The following LRRC75A variants were observed in gnomAD, a reference collection of about 807,000 sequenced individuals.
LRRC75A encodes the protein leucine-rich repeat-containing protein 75A.
LRRC75A carries 12 observed loss-of-function variants against 26.0 expected under a neutral mutation model. The observed-to-expected ratio is 0.46, with a 90% CI of 0.30 to 0.75. LRRC75A has a LOEUF of 0.75. LRRC75A is among the 30% of genes least tolerant of loss of function. The probability of loss-of-function intolerance (pLI) is 0.08; values close to 1 mark genes in which losing one functional copy is unlikely to be tolerated. For missense variants in LRRC75A, 410 were observed against 486.6 expected (o/e 0.84, Z 1.48); for synonymous variants, 223 against 219.3 (o/e 1.02, Z -0.15).
intron 3 of LRRC75A, among the ~76,000 whole-genome samples, chr17:16,445,854 C>G (rs1278099630): frequency 6.6e-6 from 1 of 152,202 alleles, no homozygotes; most frequent in Non-Finnish European, 1.5e-5. Flanking sequence ...CACCACTTAC[C>G]AGTTGGGTGA....
At position 16,491,882 on chromosome 17, in the gene LRRC75A, C is replaced by A; in HGVS notation, c.109G>T (p.Ala37Ser). The A allele has an allele frequency of 7.4e-7, 1 of 1,360,492 alleles. No homozygotes were observed. The highest frequency in any genetic ancestry group is 9.5e-7 in the Non-Finnish European group (1 of 1,053,542). The allele number at this position is 1,360,492 out of a possible 1,614,324, so 84.3% of individuals were successfully genotyped here. ...PDFWASLLLR[A>S]GDKAGRAGAG... ...CCCGCGCGCCCCGCCTTGTCCCCGG[C>A]GCGCAGCAGCAGCGACGCCCAGAAG... The change falls in exon 1 of 4, where the codon GCC becomes TCC. Residue 37 changes from alanine (A) to serine (S), a missense_variant. Coordinates refer to ENST00000470794, the MANE Select transcript of LRRC75A (RefSeq NM_001113567.3). This position sits in a 1 kb window ranked among gnomAD's most constrained non-coding sequence, Gnocchi z 5.9.
chr17:16,448,018 C>A, intron 2 of LRRC75A, 58 bp from the exon 3 acceptor site: 3 of 1,432,718 alleles, frequency 2.1e-6, no homozygotes, highest in Non-Finnish European at 2.9e-6. Flanking sequence ...CAGTCTCAGC[C>A]CCCAGGCTTC....
At chr17:16,460,402 G>C (rs987709124) in intron 2 of LRRC75A, among the ~76,000 whole-genome samples, 3 of 152,204 alleles carry the variant, frequency 2.0e-5, no homozygotes, top group African/African-American at 7.2e-5. Flanking sequence ...GGCCTTGCCT[G>C]GTCCTGTCTC....
At chr17:16,483,395 T>C (rs1448646640) in intron 1 of LRRC75A, among the ~76,000 whole-genome samples, 1 of 152,212 alleles carries the variant, frequency 6.6e-6, no homozygotes, top group Non-Finnish European at 1.5e-5. Context: ...TCGGCCCCAG[T>C]ACCTGGTGGG....
At position 16,484,785 on chromosome 17, in the gene LRRC75A, T is replaced by G. The variant is rs1015368369; in HGVS notation, c.246+6960A>C. Among the ~76,000 whole-genome samples the G allele has an allele frequency of 1.1e-4, 16 of 152,142 alleles. No homozygotes were observed. The East Asian group carries it at 1.2e-3, about 11-fold the overall frequency. ...GGGCCGAGCAGGAGCGAGGGGCAGC[T>G]CTGAAGGTGGCCCCAACACACTCAC... is the stretch of plus-strand genomic sequence containing the variant. On this transcript the variant is annotated intron_variant, in intron 1 of 3. Transcript: ENST00000470794.
In LRRC75A at chr17:16,462,191, G is replaced by T. The variant is rs983864384; in HGVS notation, c.375+67C>A. The T allele has an allele frequency of 1.3e-6, 2 of 1,588,788 alleles. No individual in the cohort carries two copies. Among genetic ancestry groups the T allele is most frequent in the African/African-American group, 2.7e-5 (2 of 74,512 alleles). ...GCCAGTCCTCCTTGGGCATACAGCT[G>T]CTCTGCCCAGAAAGGCACCCACCGC... On this transcript the variant is annotated intron_variant, in intron 2 of 3. Transcript: ENST00000470794. The surrounding 1 kb of genome is among the most constrained non-coding windows in gnomAD (Gnocchi z 4.6).
chr17:16,457,997 AAAC>A (rs934582075), intron 2 of LRRC75A, among the ~76,000 whole-genome samples: 6 of 151,842 alleles, frequency 4.0e-5, no homozygotes, highest in East Asian at 2.0e-4. Context: ...AAACAAATAC[AAAC>A]AACAACAACA....
In LRRC75A at chr17:16,443,826, A is replaced by T; in HGVS notation, c.797T>A (p.Ile266Asn). 6.2e-7 allele frequency: 1 copy of T among 1,614,046 alleles called. No homozygotes were observed. Among genetic ancestry groups the T allele is most frequent in the Non-Finnish European group, 8.5e-7 (1 of 1,179,888 alleles). The change falls in exon 4 of 4, where the codon ATT becomes AAT. Residue 266 changes from isoleucine to asparagine, a missense_variant. Coordinates refer to ENST00000470794, the MANE Select transcript of LRRC75A (RefSeq NM_001113567.3). ...DPSKFPNVTW[I>N]DLGNNVDIFS... ...GATGTCCACGTTGTTGCCCAGGTCAATCCACGTGACATTGGGGAACTTGCT... is the reference window on the plus strand; with the variant it reads ...GATGTCCACGTTGTTGCCCAGGTCATTCCACGTGACATTGGGGAACTTGCT...
In LRRC75A at chr17:16,491,735, C is replaced by G. The variant is rs2143469392; in HGVS notation, c.246+10G>C. On this transcript the variant is annotated intron_variant, in intron 1 of 3. Transcript: ENST00000470794. This position sits in a 1 kb window ranked among gnomAD's most constrained non-coding sequence, Gnocchi z 5.9. ...CCGGCGCGCCCCCCGCGCCCCCTCC[C>G]CGCGCTCACCTGGCGCAGGTGCTGC... 7.4e-7 allele frequency: 1 copy of G among 1,352,198 alleles called. No homozygotes were observed. Among genetic ancestry groups the G allele is most frequent in the Non-Finnish European group, 9.5e-7 (1 of 1,056,252 alleles). 83.8% of individuals were successfully genotyped at this position (1,352,198 alleles called of 1,614,324 possible). A position where few individuals can be genotyped will look rare whatever the true frequency, so the allele number is the denominator to read the frequency against.
At chr17:16,470,433 G>A (rs2093801483) in intron 1 of LRRC75A, 1 of 152,132 alleles carries the variant, frequency 6.6e-6, no homozygotes, top group Admixed American at 6.5e-5. Context: ...GCTACTTAAT[G>A]AGGGTGTAAT....
chr17:16,477,004 C>T (rs542508594), intron 1 of LRRC75A, among the ~76,000 whole-genome samples: 85 of 151,416 alleles, frequency 5.6e-4, no homozygotes, highest in African/African-American at 1.8e-3. Context: ...TCCCAAAGTG[C>T]TGGGATTACA....
chr17:16,481,788 C>T (rs538177359), intron 1 of LRRC75A, among the ~76,000 whole-genome samples: 2 of 152,186 alleles, frequency 1.3e-5, no homozygotes, highest in South Asian at 4.1e-4. Flanking sequence ...TCCAGGCTGA[C>T]CATTTACCAT....
rs748446677 is a variant in LRRC75A at position 16,443,543 on chromosome 17, A to T, written c.*45T>A. 1.5e-4 allele frequency: 214 copies of T among 1,452,828 alleles called. No individual in the cohort carries two copies. The highest frequency in any genetic ancestry group is 1.9e-4 in the Non-Finnish European group (206 of 1,095,248). The allele number at this position is 1,452,828 out of a possible 1,614,324, so 90.0% of individuals were successfully genotyped here. A position where few individuals can be genotyped will look rare whatever the true frequency, so the allele number is the denominator to read the frequency against. On this transcript the variant is annotated 3_prime_UTR_variant, in exon 4 of 4. Coordinates refer to ENST00000470794, the MANE Select transcript of LRRC75A (RefSeq NM_001113567.3). The stretch of plus-strand genomic sequence containing the variant: ...GCGCCCTCCCCTGCCTGCCTTGCCC[A>T]TTCTACCCAACAAGGACTCCCTGGT...
intron 1 of LRRC75A, among the ~76,000 whole-genome samples, chr17:16,475,418 G>A (rs2093817393): frequency 6.6e-6 from 1 of 152,190 alleles, no homozygotes; most frequent in Admixed American, 6.5e-5. Context: ...TGGGAAGCTG[G>A]GGACCCAGGA....
intron 2 of LRRC75A, among the ~76,000 whole-genome samples, chr17:16,459,824 A>C (rs1171522262): frequency 6.6e-6 from 1 of 152,116 alleles, no homozygotes; most frequent in Non-Finnish European, 1.5e-5. Flanking sequence ...CCCCTGCCTC[A>C]TCCAGAGAGC....
chr17:16,484,112 C>T (rs531389279), intron 1 of LRRC75A, among the ~76,000 whole-genome samples: 2 of 151,994 alleles, frequency 1.3e-5, no homozygotes, highest in South Asian at 2.1e-4. Flanking sequence ...CTGAGGTGGG[C>T]GGATCATGAA....
At position 16,458,883 on chromosome 17, in the gene LRRC75A, A is replaced by G. The variant is rs549314264; in HGVS notation, c.375+3375T>C. Reference sequence around the variant, plus strand: ...GCCCCTGCAAACCTGACCTACAGAGACTATAACAATAAATGTCTGTTGTTT... The same window carrying G: ...GCCCCTGCAAACCTGACCTACAGAGGCTATAACAATAAATGTCTGTTGTTT... On this transcript the variant is annotated intron_variant, in intron 2 of 3. Transcript: ENST00000470794. Among the ~76,000 whole-genome samples the G allele has an allele frequency of 3.3e-5, 5 of 152,276 alleles. No individual in the cohort carries two copies. In the South Asian group the frequency reaches 1.0e-3, roughly 32 times the overall value.
chr17:16,454,927 C>A (rs1464327264), intron 2 of LRRC75A, among the ~76,000 whole-genome samples: 2 of 149,758 alleles, frequency 1.3e-5, no homozygotes, highest in Non-Finnish European at 1.5e-5. Context: ...CTTTTCTTTT[C>A]TTTTCTTTTT....
At chr17:16,473,150 T>TGTGC (rs1555892380) in intron 1 of LRRC75A, among the ~76,000 whole-genome samples, 3 of 151,536 alleles carry the variant, frequency 2.0e-5, no homozygotes, top group South Asian at 2.1e-4. Context: ...TGTGTGTGTG[T>TGTGC]GCGCGCGCGC....
Sources: gnomAD v4.1 joint callset for allele counts (sites outside exome capture counted in the v4.1 genomes callset) on GRCh38, gnomAD v4.1.1 for gene constraint, Gnocchi (gnomAD v3.1) non-coding constraint, MANE v1.5 for transcripts, NCBI Gene and HGNC (gene_info 2026-07-23, HGNC 2026-07-21) for gene names.